Variants in DHX15 observed in about 807,000 individuals in gnomAD.
The protein encoded by DHX15 is ATP-dependent RNA helicase DHX15.
Under a neutral mutation model 94.4 loss-of-function variants are expected in DHX15, and 11 were observed. The ratio of observed to expected loss-of-function variants is 0.12; its 90% CI spans 0.07 to 0.19. DHX15 has a LOEUF of 0.19. Among genes scored for constraint, DHX15 ranks in the 10% least tolerant of loss-of-function variants. The pLI is 1.00. For synonymous variants in DHX15, 338 were observed against 329.9 expected, an observed-to-expected ratio of 1.02 and a Z score of -0.27; for missense variants, 304 against 988.5, an observed-to-expected ratio of 0.31 and a Z score of 9.29.
At chr4:24,543,410 T>A (rs983607107) in intron 6 of DHX15, among the ~76,000 whole-genome samples, 5 of 152,168 alleles carry the variant, frequency 3.3e-5, no homozygotes, top group Non-Finnish European at 7.4e-5. Context: ...AAGTGTATAT[T>A]TCAATGTTTT....
chr4:24,580,197 CA>C, intron 1 of DHX15, among the ~76,000 whole-genome samples: 1 of 152,256 alleles, frequency 6.6e-6, no homozygotes, highest in South Asian at 2.1e-4. Flanking sequence ...CACCAGAGGC[CA>C]AAAGTTTGAG....
intron 6 of DHX15, among the ~76,000 whole-genome samples, chr4:24,548,467 G>A (rs192273385): frequency 2.0e-5 from 3 of 152,128 alleles, no homozygotes; most frequent in African/African-American, 7.2e-5. Context: ...GTTATTAGAG[G>A]TCTGCACAGG....
chr4:24,584,220 G>T (rs1034990936), intron 1 of DHX15, 103 bp downstream of exon 1: 2 of 1,210,700 alleles, frequency 1.7e-6, no homozygotes, highest in African/African-American at 1.5e-5. Flanking sequence ...AGAAACAAAG[G>T]CTCGGGCTCC....
At chr4:24,567,577 CAAA>C (rs1199812637) in intron 3 of DHX15, among the ~76,000 whole-genome samples, 6 of 98,634 alleles carry the variant, frequency 6.1e-5, no homozygotes, top group Admixed American at 2.1e-4. Flanking sequence ...ACTCCGTCTC[CAAA>C]AAAAAAAAAA....
chr4:24,532,757 T>A (rs1577331576), intron 12 of DHX15, 107 bp downstream of exon 12: 3 of 774,424 alleles, frequency 3.9e-6, no homozygotes, highest in South Asian at 2.5e-5. Flanking sequence ...TAAATTTTTA[T>A]GAGCATGCAC....
chr4:24,540,040 AAAAC>A lies in DHX15; in HGVS notation c.1786+64_1786+67del. On this transcript the variant is annotated intron_variant, in intron 10 of 13. Transcript: ENST00000336812. ...CTATCATACTAAAAATTAAAAAACAAAAACAAAAGTGAAGTCCACCCAAACTTTG... is the reference window on the plus strand; with the variant it reads ...CTATCATACTAAAAATTAAAAAACAAAAAAGTGAAGTCCACCCAAACTTTG... 2 of 1,255,600 alleles carry A rather than the reference AAAAC, an allele frequency of 1.6e-6. 1 individual carries two copies. Among genetic ancestry groups the A allele is most frequent in the South Asian group, 4.1e-5 (2 of 48,732 alleles). The allele number at this position is 1,255,600 out of a possible 1,614,324, so 77.8% of individuals were successfully genotyped here. A position where few individuals can be genotyped will look rare whatever the true frequency, so the allele number is the denominator to read the frequency against.
chr4:24,571,636 T>C (rs59065855), intron 2 of DHX15, among the ~76,000 whole-genome samples: 8,183 of 152,294 alleles, frequency 0.054, 335 homozygotes, highest in African/African-American at 0.11. Context: ...CCATATTATA[T>C]GGAAATCCAC....
chr4:24,559,661 T>C (rs74675952), intron 3 of DHX15, among the ~76,000 whole-genome samples: 3,224 of 152,286 alleles, frequency 0.021, 90 homozygotes, highest in African/African-American at 0.064. Flanking sequence ...TGCCACAGGA[T>C]AGCCAAACTC....
intron 12 of DHX15, among the ~76,000 whole-genome samples, chr4:24,532,474 T>A (rs1721105481): frequency 6.6e-6 from 1 of 152,242 alleles, no homozygotes; most frequent in East Asian, 1.9e-4. Flanking sequence ...GTTATGACAA[T>A]GTATTTCCAA....
Position 24,562,047 on chromosome 4 carries a change from A to C in DHX15, c.702-5637T>G, listed in dbSNP as rs546855208. Among the ~76,000 whole-genome samples, 22 of 150,368 alleles carry C rather than the reference A, an allele frequency of 1.5e-4. 1 individual carries two copies. The East Asian group carries it at 3.8e-3, about 26-fold the overall frequency. On this transcript the variant is annotated intron_variant, in intron 3 of 13. Coordinates refer to ENST00000336812, the MANE Select transcript of DHX15 (RefSeq NM_001358.3). The stretch of plus-strand genomic sequence containing the variant: ...TTGGGAGGCTGAGGCAAGAGAATCG[A>C]ATCGCTTGAACCCAGGAGGCACAGG...
intron 5 of DHX15, among the ~76,000 whole-genome samples, chr4:24,551,326 A>G (rs531250651): frequency 6.6e-6 from 1 of 152,334 alleles, no homozygotes; most frequent in East Asian, 1.9e-4. Flanking sequence ...TTCAAAGGAC[A>G]ATGATACTAA....
At chr4:24,550,921 C>CT (rs1721588317) in intron 5 of DHX15, among the ~76,000 whole-genome samples, 2 of 152,160 alleles carry the variant, frequency 1.3e-5, no homozygotes, top group South Asian at 2.1e-4. Context: ...CATCACAAAG[C>CT]AGTGAGTAAT....
intron 11 of DHX15, among the ~76,000 whole-genome samples, chr4:24,535,649 A>G (rs6851860): frequency 0.077 from 11,730 of 152,150 alleles, 629 homozygotes; most frequent in African/African-American, 0.16. Context: ...ATTCTTTCTC[A>G]CTGCTAGTCA....
Position 24,570,678 on chromosome 4 carries a change from C to A in DHX15, c.677G>T (p.Cys226Phe). The A allele has an allele frequency of 6.2e-7, 1 of 1,614,106 alleles. No individual in the cohort carries two copies. The highest frequency in any genetic ancestry group is 8.5e-7 in the Non-Finnish European group (1 of 1,180,028). ...CTTAAGAATGGTTTTTGCACTACTGCAGTCTTCAAATCGAATGGAGTAACC... is the reference window on the plus strand; with the variant it reads ...CTTAAGAATGGTTTTTGCACTACTGAAGTCTTCAAATCGAATGGAGTAACC... ...EVGYSIRFED[C>F]SSAKTILKYM... Residue 226 changes from cysteine (C) to phenylalanine (F), a missense_variant, in exon 3 of 14, where the codon TGC becomes TTC. By Grantham distance (205) the Cys-to-Phe change is radical. Coordinates refer to ENST00000336812, the MANE Select transcript of DHX15 (RefSeq NM_001358.3).
intron 6 of DHX15, among the ~76,000 whole-genome samples, chr4:24,547,803 A>T (rs991535101): frequency 2.0e-5 from 3 of 150,212 alleles, no homozygotes; most frequent in Non-Finnish European, 4.4e-5. Context: ...AAAAAAAAAA[A>T]TTAAAGCTTT....
intron 3 of DHX15, among the ~76,000 whole-genome samples, chr4:24,561,809 A>G (rs1210307524): frequency 7.2e-5 from 11 of 152,158 alleles, no homozygotes; most frequent in Admixed American, 7.2e-4. Context: ...AGAGAATCAG[A>G]AAAACTACCT....
chr4:24,555,068 ACTGT>A, intron 4 of DHX15, 125 bp from the exon 5 acceptor site: 1 of 590,314 alleles, frequency 1.7e-6, no homozygotes, highest in Non-Finnish European at 2.8e-6. Context: ...CTTCAAATAA[ACTGT>A]AAATGAAAAA....
At chr4:24,566,753 C>T (rs578094554) in intron 3 of DHX15, among the ~76,000 whole-genome samples, 12 of 152,048 alleles carry the variant, frequency 7.9e-5, no homozygotes, top group Non-Finnish European at 1.8e-4. Flanking sequence ...TTGAACCCGG[C>T]GGGTGGAGGT....
At chr4:24,548,501 A>G (rs1257559116) in intron 6 of DHX15, among the ~76,000 whole-genome samples, 1 of 152,206 alleles carries the variant, frequency 6.6e-6, no homozygotes, top group Non-Finnish European at 1.5e-5. Context: ...ACCTATAGAC[A>G]TTACATTTGG....
Sources: allele counts gnomAD v4.1 joint callset (sites outside exome capture counted in the v4.1 genomes callset), GRCh38; gene constraint gnomAD v4.1.1; transcripts MANE v1.5; gene names NCBI Gene and HGNC (gene_info 2026-07-23, HGNC 2026-07-21).